Variants in ACSBG2 observed in about 807,000 individuals in gnomAD.
The protein encoded by ACSBG2 is long-chain-fatty-acid--CoA ligase ACSBG2.
ACSBG2 carries 62 observed loss-of-function variants against 74.7 expected under a neutral mutation model. That is an observed-to-expected ratio of 0.83 (90% CI 0.68 to 1.03). The LOEUF is 1.03. ACSBG2 is among the 50% of genes least tolerant of loss of function. The pLI is 0.00. For synonymous variants in ACSBG2, 309 were observed against 294.1 expected, an observed-to-expected ratio of 1.05 and a Z score of -0.52; for missense variants, 730 against 817.6, an observed-to-expected ratio of 0.89 and a Z score of 1.31.
At chr19:6,179,700 C>T (rs753965105) in intron 8 of ACSBG2, among the ~76,000 whole-genome samples, 3 of 152,124 alleles carry the variant, frequency 2.0e-5, no homozygotes, top group Non-Finnish European at 4.4e-5. Context: ...TCACTGCAAC[C>T]TCCACCTCCG....
At chr19:6,189,527 GT>G (rs111858148) in intron 13 of ACSBG2, among the ~76,000 whole-genome samples, 5,719 of 148,134 alleles carry the variant, frequency 0.039, 219 homozygotes, top group African/African-American at 0.1. Context: ...ACTGAGTCTT[GT>G]TTTTTTTTTG....
At chr19:6,190,455 C>G in intron 13 of ACSBG2, 129 bp from the exon 14 acceptor site, 5 of 723,148 alleles carry the variant, frequency 6.9e-6, no homozygotes, top group South Asian at 1.6e-5. Context: ...GTTACACACC[C>G]TGAAAGTCAA....
Position 6,162,205 on chromosome 19 carries a change from C to G in ACSBG2, c.588+910C>G, listed in dbSNP as rs202162450. 9.0e-3 allele frequency among the ~76,000 whole-genome samples: 1,213 copies of G among 134,100 alleles called. 11 individuals are homozygous for G. Among genetic ancestry groups the G allele is most frequent in the East Asian group, 0.012 (54 of 4,412 alleles). 88.0% of individuals were successfully genotyped at this position (134,100 alleles called of 152,430 possible). A position where few individuals can be genotyped will look rare whatever the true frequency, so the allele number is the denominator to read the frequency against. ...CGCTTGAACCCGGGAGGCGGAGGTTCCAGTGAGCCGAGATCACACCACTGC... is the reference window on the plus strand; with the variant it reads ...CGCTTGAACCCGGGAGGCGGAGGTTGCAGTGAGCCGAGATCACACCACTGC... On this transcript the variant is annotated intron_variant, in intron 6 of 14. Coordinates refer to ENST00000588485, the MANE Select transcript of ACSBG2 (RefSeq NM_030924.5).
chr19:6,170,388 A>G (rs902066174), intron 7 of ACSBG2, among the ~76,000 whole-genome samples: 1 of 152,034 alleles, frequency 6.6e-6, no homozygotes, highest in African/African-American at 2.4e-5. Flanking sequence ...ACATTTATTG[A>G]TTTGTGTATG....
chr19:6,178,425 G>C (rs1348988182), intron 8 of ACSBG2, among the ~76,000 whole-genome samples: 2 of 151,958 alleles, frequency 1.3e-5, no homozygotes, highest in African/African-American at 4.8e-5. Flanking sequence ...CTGTTGCCCA[G>C]GCTGGAGTTA....
chr19:6,184,617 A>G (rs1391424575), intron 10 of ACSBG2, among the ~76,000 whole-genome samples: 1 of 150,832 alleles, frequency 6.6e-6, no homozygotes, highest in Non-Finnish European at 1.5e-5. Context: ...TCTCTAGGAA[A>G]AAAAAAAAAA....
chr19:6,151,825 G>C (rs776303352), intron 4 of ACSBG2, 30 bp downstream of exon 4: 1 of 1,565,380 alleles, frequency 6.4e-7, no homozygotes. Context: ...TCATGGTGAG[G>C]GTTAAGGAGC....
rs182404415 is a variant in ACSBG2, at chr19:6,184,063, T to C, written c.1322+791T>C. ...AGCAATCCTCAGCCTCCCAAAGCGCTGGGATTACAGGCATGAACCACCATG... is the reference window on the plus strand; with the variant it reads ...AGCAATCCTCAGCCTCCCAAAGCGCCGGGATTACAGGCATGAACCACCATG... On this transcript the variant is annotated intron_variant, in intron 10 of 14. Transcript: ENST00000588485. Among the ~76,000 whole-genome samples the C allele has an allele frequency of 5.2e-3, 797 of 152,320 alleles. 3 individuals carry two copies. Among genetic ancestry groups the C allele is most frequent in the African/African-American group, 0.018 (763 of 41,574 alleles).
intron 1 of ACSBG2, among the ~76,000 whole-genome samples, chr19:6,138,181 C>T (rs2088653467): frequency 6.6e-6 from 1 of 152,162 alleles, no homozygotes; most frequent in African/African-American, 2.4e-5. Context: ...TCTAACTTCA[C>T]CCCAAAGCAA....
intron 8 of ACSBG2, among the ~76,000 whole-genome samples, chr19:6,177,809 G>A (rs1185590528): frequency 6.6e-6 from 1 of 150,976 alleles, no homozygotes; most frequent in African/African-American, 2.4e-5. Flanking sequence ...GGGCATCCAT[G>A]TATGGTTATG....
chr19:6,164,992 T>C (rs1430586791), intron 6 of ACSBG2, among the ~76,000 whole-genome samples: 6 of 152,230 alleles, frequency 3.9e-5, no homozygotes, highest in African/African-American at 1.4e-4. Context: ...CTTCTTCACC[T>C]GCCAGAGTGA....
At position 6,184,977 on chromosome 19, in the gene ACSBG2, C is replaced by T. The variant is rs550802215; in HGVS notation, c.1323-459C>T. 2.3e-4 allele frequency among the ~76,000 whole-genome samples: 35 copies of T among 151,116 alleles called. 1 individual carries two copies. In the Middle Eastern group the frequency reaches 0.028, roughly 119 times the overall value. On this transcript the variant is annotated intron_variant, in intron 10 of 14. Transcript: ENST00000588485. ...TTGCTCTGTCGCCCAGGCTGGAGTA[C>T]AGTGGCGTGATCACTACTCACTGCA...
intron 5 of ACSBG2, among the ~76,000 whole-genome samples, chr19:6,159,109 C>A (rs998347730): frequency 1.3e-5 from 2 of 152,098 alleles, no homozygotes; most frequent in Non-Finnish European, 2.9e-5. Flanking sequence ...AGGTGCACAC[C>A]ACCACACCGG....
At chr19:6,141,919 C>G (rs1332366861) in intron 2 of ACSBG2, among the ~76,000 whole-genome samples, 1 of 151,992 alleles carries the variant, frequency 6.6e-6, no homozygotes, top group African/African-American at 2.4e-5. Context: ...TTTGTAGAGA[C>G]AGGGTTTCGC....
At chr19:6,166,493 T>C (rs981942482) in intron 7 of ACSBG2, among the ~76,000 whole-genome samples, 9 of 152,170 alleles carry the variant, frequency 5.9e-5, no homozygotes, top group African/African-American at 2.2e-4. Context: ...TTTGTATGTT[T>C]ATTAGAGACA....
Position 6,180,207 on chromosome 19 carries a change from A to G in ACSBG2, c.907-2544A>G, listed in dbSNP as rs1190198844. ...GATTCTTAACTTAATCCCATCTACA[A>G]AGTCCCTTTTGCCATGAAAGATTAC... On this transcript the variant is annotated intron_variant, in intron 8 of 14. Transcript: ENST00000588485. The surrounding 1 kb of genome is among the most constrained non-coding windows in gnomAD (Gnocchi z 4.3). Among the ~76,000 whole-genome samples, 2 of 152,190 alleles carry G rather than the reference A, an allele frequency of 1.3e-5. No individual in the cohort carries two copies. Among genetic ancestry groups the G allele is most frequent in the East Asian group, 3.9e-4 (2 of 5,174 alleles).
intron 13 of ACSBG2, among the ~76,000 whole-genome samples, chr19:6,188,882 T>G (rs576796060): frequency 2.4e-3 from 359 of 152,316 alleles, no homozygotes; most frequent in Non-Finnish European, 3.9e-3. Flanking sequence ...TCAGTGGGCA[T>G]CAGTAGTTTC....
chr19:6,171,292 T>A (rs560850279), intron 7 of ACSBG2, among the ~76,000 whole-genome samples: 1 of 152,328 alleles, frequency 6.6e-6, no homozygotes, highest in Admixed American at 6.5e-5. Context: ...TTCTTGATTG[T>A]TTAGTTGCTT....
chr19:6,177,157 T>G, intron 7 of ACSBG2, 72 bp from the exon 8 acceptor site: 1 of 1,533,572 alleles, frequency 6.5e-7, no homozygotes, highest in Non-Finnish European at 8.8e-7. Context: ...GTCTGAAAAA[T>G]AAATAAAAAT....
Sources: allele counts gnomAD v4.1 joint callset (sites outside exome capture counted in the v4.1 genomes callset), GRCh38; gene constraint gnomAD v4.1.1; non-coding constraint Gnocchi (gnomAD v3.1); transcripts MANE v1.5; gene names NCBI Gene and HGNC (gene_info 2026-07-23, HGNC 2026-07-21).